The following WDR19 variants were observed in gnomAD, a reference collection of about 807,000 sequenced individuals.
WDR19 encodes the protein WD repeat domain 19.
In WDR19, 121 loss-of-function variants were observed where a neutral mutation model predicts 180.0. That is an observed-to-expected ratio of 0.67 (90% confidence interval 0.58 to 0.78). The LOEUF (loss-of-function observed/expected upper bound fraction) is 0.78. WDR19 is among the 30% of genes least tolerant of loss of function. WDR19 has a pLI of 0.00. For synonymous variants in WDR19, 497 were observed against 540.7 expected (o/e 0.92, Z 1.12); for missense variants, 1,450 against 1,640.7 (o/e 0.88, Z 2.01).
At chr4:39,246,460 A>G (rs187332077) in intron 24 of WDR19, among the ~76,000 whole-genome samples, 173 of 152,320 alleles carry the variant, frequency 1.1e-3, no homozygotes, top group African/African-American at 3.6e-3. Context: ...TGCATTTCCA[A>G]CTGAGGTACC....
chr4:39,272,603 C>T (rs1735477215), intron 31 of WDR19, among the ~76,000 whole-genome samples: 1 of 152,222 alleles, frequency 6.6e-6, no homozygotes, highest in East Asian at 1.9e-4. Flanking sequence ...ACAGACACGG[C>T]GCCTTTCCTT....
chr4:39,236,609 AT>A (rs1383939152), intron 20 of WDR19, among the ~76,000 whole-genome samples: 1 of 152,152 alleles, frequency 6.6e-6, no homozygotes, highest in Non-Finnish European at 1.5e-5. Flanking sequence ...AAATACATAT[AT>A]TTTTTTAACT....
intron 15 of WDR19, among the ~76,000 whole-genome samples, chr4:39,226,998 G>A (rs1730335821): frequency 6.6e-6 from 1 of 152,072 alleles, no homozygotes; most frequent in Admixed American, 6.5e-5. Context: ...TCGCGATTCT[G>A]ACTGGTGTGC....
chr4:39,269,965 C>T lies in WDR19; in HGVS notation c.3359-11C>T, dbSNP rs913200037. ...CTTTGCAGTAATGTCGTTTTACCAC[C>T]TTTTTTCAAGGCAACTACCGGAATG... On this transcript the variant is annotated splice_polypyrimidine_tract_variant and intron_variant, in intron 30 of 36. Transcript: ENST00000399820. 7 of 1,612,652 alleles carry T rather than the reference C, an allele frequency of 4.3e-6. No individual in the cohort carries two copies. Among genetic ancestry groups the T allele is most frequent in the African/African-American group, 1.3e-5 (1 of 74,836 alleles).
intron 5 of WDR19, 148 bp from the exon 6 acceptor site, chr4:39,199,330 T>G (rs926911576): frequency 3.2e-6 from 2 of 615,920 alleles, no homozygotes; most frequent in African/African-American, 3.7e-5. Context: ...GGTAATAAAC[T>G]GTTTTAAATA....
chr4:39,215,053 G>A (rs1051748155), intron 10 of WDR19, among the ~76,000 whole-genome samples: 10 of 152,254 alleles, frequency 6.6e-5, no homozygotes, highest in South Asian at 4.1e-4. Flanking sequence ...GATTATAGGC[G>A]TGAGCCACTG....
intron 28 of WDR19, 141 bp from the exon 29 acceptor site, chr4:39,265,922 C>G (rs1171959676): frequency 1.6e-6 from 1 of 635,336 alleles, no homozygotes; most frequent in Admixed American, 2.6e-5. Flanking sequence ...GGCCCTGATC[C>G]TATGTCATAT....
At chr4:39,213,887 C>T (rs1357764778) in intron 9 of WDR19, among the ~76,000 whole-genome samples, 1 of 152,078 alleles carries the variant, frequency 6.6e-6, no homozygotes, top group East Asian at 1.9e-4. Context: ...TATATTGCCT[C>T]TTACAACTAC....
rs567310076 is a variant in WDR19 at position 39,268,041 on chromosome 4, G to A, written c.3308G>A (p.Arg1103Gln). The stretch of plus-strand genomic sequence containing the variant: ...TTGTACATGGCTCTGAAGCAATACC[G>A]AGAAGCTGCCCAGACTGCCATCATC... Reference protein sequence around the residue: ...FRLYMALKQYREAAQTAIIIA... With the variant: ...FRLYMALKQYQEAAQTAIIIA... The change falls in exon 30 of 37, where the codon CGA (arginine) becomes CAA (glutamine). Residue 1103 changes from arginine (R) to glutamine (Q), a missense_variant. Coordinates refer to ENST00000399820, the MANE Select transcript of WDR19 (RefSeq NM_025132.4). 76 of 1,605,048 alleles carry A rather than the reference G, an allele frequency of 4.7e-5. No homozygotes were observed. In the African/African-American group the frequency reaches 7.8e-4, roughly 16 times the overall value.
At position 39,214,662 on chromosome 4, in the gene WDR19, G is replaced by A; in HGVS notation, c.952G>A (p.Glu318Lys). 6.4e-7 allele frequency: 1 copy of A among 1,574,090 alleles called. No individual in the cohort carries two copies. Among genetic ancestry groups the A allele is most frequent in the South Asian group, 1.2e-5 (1 of 85,676 alleles). ...DMYVILNLDE[E>K]NKGLGTLSWT... is the part of the protein sequence containing the mutation. ...GTATGTTATACTCAACCTGGATGAGGAAAATAAAGGTATTGATTTTTCTGA... is the reference window on the plus strand; with the variant it reads ...GTATGTTATACTCAACCTGGATGAGAAAAATAAAGGTATTGATTTTTCTGA... Residue 318 changes from glutamate to lysine, a missense_variant, in exon 10 of 37, where the codon GAA becomes AAA. Glu to Lys is a moderately conservative substitution (Grantham distance 56, BLOSUM62 1). Coordinates refer to ENST00000399820, the MANE Select transcript of WDR19 (RefSeq NM_025132.4).
chr4:39,245,233 ACC>A, intron 23 of WDR19, 134 bp from the exon 24 acceptor site: 1 of 640,030 alleles, frequency 1.6e-6, no homozygotes, highest in Non-Finnish European at 2.5e-6. Flanking sequence ...AGGCCACTGC[ACC>A]CCGCCAGGAG....
rs761657477 is a variant in WDR19, at chr4:39,273,012, G to T, written c.3516G>T (p.Gly1172=). Reference sequence around the variant, plus strand: ...TTAAAAATGGAGATCACATGAAAGGGGCTCGCATGCTCATTCGGGTGGCCA... The same window carrying T: ...TTAAAAATGGAGATCACATGAAAGGTGCTCGCATGCTCATTCGGGTGGCCA... ...IHVKNGDHMK[G]ARMLIRVANN... The change falls in exon 32 of 37, where the codon GGG becomes GGT. Residue 1172 remains glycine, a synonymous_variant. Transcript: ENST00000399820. 1 of 1,604,528 alleles carries T rather than the reference G, an allele frequency of 6.2e-7. No individual in the cohort carries two copies. The highest frequency in any genetic ancestry group is 1.3e-5 in the African/African-American group (1 of 74,810).
chr4:39,244,086 A>G (rs997228165), intron 21 of WDR19, among the ~76,000 whole-genome samples, 162 bp from the exon 22 acceptor site: 1 of 152,186 alleles, frequency 6.6e-6, no homozygotes, highest in Non-Finnish European at 1.5e-5. Context: ...TTTTTTAAAA[A>G]AAAAAGTCTC....
chr4:39,188,906 C>T (rs1025237602), intron 3 of WDR19, among the ~76,000 whole-genome samples: 20 of 151,910 alleles, frequency 1.3e-4, no homozygotes, highest in African/African-American at 3.4e-4. Flanking sequence ...CATGCCACCA[C>T]GCCCAGCTCA....
chr4:39,230,435 A>G (rs536879810), intron 17 of WDR19, among the ~76,000 whole-genome samples: 4 of 147,820 alleles, frequency 2.7e-5, no homozygotes, highest in Non-Finnish European at 6.0e-5. Flanking sequence ...CAGTATACAC[A>G]GTGGTGAAGA....
At chr4:39,245,818 A>G (rs984127773) in intron 24 of WDR19, among the ~76,000 whole-genome samples, 4 of 152,350 alleles carry the variant, frequency 2.6e-5, no homozygotes, top group Non-Finnish European at 4.4e-5. Context: ...TTCCACACAT[A>G]CAGCTGCTTG....
intron 13 of WDR19, among the ~76,000 whole-genome samples, chr4:39,217,609 A>G (rs1341456113): frequency 3.3e-5 from 5 of 152,240 alleles, no homozygotes; most frequent in African/African-American, 9.6e-5. Context: ...ATAATCGGGC[A>G]TTTTGTGTGG....
Position 39,231,740 on chromosome 4 carries a change from T to C in WDR19, c.1983-57T>C, listed in dbSNP as rs569676396. 4 of 1,460,648 alleles carry C rather than the reference T, an allele frequency of 2.7e-6. No individual in the cohort carries two copies. In the African/African-American group the frequency reaches 4.2e-5, roughly 15 times the overall value. 90.5% of individuals were successfully genotyped at this position (1,460,648 alleles called of 1,614,324 possible). A position where few individuals can be genotyped will look rare whatever the true frequency, so the allele number is the denominator to read the frequency against. On this transcript the variant is annotated intron_variant, in intron 17 of 36. Coordinates refer to ENST00000399820, the MANE Select transcript of WDR19 (RefSeq NM_025132.4). Reference sequence around the variant, plus strand: ...TATTAGATGACATGTAGTCTGAAAATTGCCTAACATGTGGCAAGTGGAACA... The same window carrying C: ...TATTAGATGACATGTAGTCTGAAAACTGCCTAACATGTGGCAAGTGGAACA...
At chr4:39,242,299 C>G (rs1368001099) in intron 21 of WDR19, among the ~76,000 whole-genome samples, 1 of 151,912 alleles carries the variant, frequency 6.6e-6, no homozygotes, top group Non-Finnish European at 1.5e-5. Context: ...CTTTCTTTCC[C>G]AGGCTGGAAT....
Sources: allele counts gnomAD v4.1 joint callset (sites outside exome capture counted in the v4.1 genomes callset), GRCh38; gene constraint gnomAD v4.1.1; transcripts MANE v1.5; gene names NCBI Gene and HGNC (gene_info 2026-07-23, HGNC 2026-07-21).